NCR1: variants seen among roughly 807,000 people sequenced by gnomAD.
The protein encoded by NCR1 is natural cytotoxicity triggering receptor 1.
A neutral mutation model predicts 32.5 loss-of-function variants in NCR1; 30 were observed. That is an observed-to-expected ratio of 0.92 (90% CI 0.69 to 1.25). NCR1 has a LOEUF of 1.25. NCR1 is among the 50% of genes most tolerant of loss of function. The probability of loss-of-function intolerance (pLI) is 0.00; values close to 1 mark genes in which losing one functional copy is unlikely to be tolerated. For synonymous variants in NCR1, 169 were observed against 143.4 expected, an observed-to-expected ratio of 1.18 and a Z score of -1.28; for missense variants, 369 against 380.7, an observed-to-expected ratio of 0.97 and a Z score of 0.26.
the NCR1 span, among the ~76,000 whole-genome samples, chr19:54,928,673 A>T: frequency 1.3e-5 from 2 of 152,166 alleles, no homozygotes; most frequent in African/African-American, 4.8e-5. Flanking sequence ...GTAGATCATG[A>T]ACCAGCATGC....
chr19:54,937,975 T>TA, the NCR1 span: 3 of 1,271,060 alleles, frequency 2.4e-6, no homozygotes, highest in South Asian at 2.4e-5. Context: ...TTTCCAAATT[T>TA]AAAAAACAAA....
chr19:54,910,274 A>T (rs947674999), intron 5 of NCR1, among the ~76,000 whole-genome samples: 6 of 152,072 alleles, frequency 3.9e-5, no homozygotes, highest in African/African-American at 1.4e-4. Context: ...TGTCTCTACT[A>T]AAAATACAAA....
the NCR1 span, chr19:54,934,410 G>A: frequency 7.6e-6 from 11 of 1,439,286 alleles, no homozygotes; most frequent in South Asian, 5.7e-5. The surrounding 1 kb of genome is among the most constrained non-coding windows in gnomAD (Gnocchi z 6.7). Context: ...CGTGGGTGGC[G>A]CAGTAAGTCA....
chr19:54,935,943 C>T, the NCR1 span, among the ~76,000 whole-genome samples: 4 of 152,072 alleles, frequency 2.6e-5, no homozygotes, highest in South Asian at 2.1e-4. Context: ...AAAACCGGCC[C>T]GCGGTGCAGA....
chr19:54,936,248 C>G, the NCR1 span: 2 of 1,611,602 alleles, frequency 1.2e-6, no homozygotes, highest in Non-Finnish European at 8.5e-7. Flanking sequence ...AGAGCCGTGA[C>G]CGTGAGACCC....
chr19:54,931,288 G>A, the NCR1 span, among the ~76,000 whole-genome samples: 98 of 152,068 alleles, frequency 6.4e-4, 1 homozygote, highest in Admixed American at 5.2e-3. Context: ...GCCGGGCGCG[G>A]TGGCTCAAAC....
At chr19:54,933,566 T>C in the NCR1 span, 1 of 1,614,144 alleles carries the variant, frequency 6.2e-7, no homozygotes, top group South Asian at 1.1e-5. Context: ...AGCAGGGACT[T>C]ACACCAAGGT....
chr19:54,903,518 GTGTGTATACATATA>G (rs2067367168), upstream of NCR1, among the ~76,000 whole-genome samples: 1 of 129,784 alleles, frequency 7.7e-6, no homozygotes, highest in African/African-American at 2.8e-5. Context: ...ACGCATACAT[GTGTGTATACATATA>G]TATGCATGTA....
the NCR1 span, among the ~76,000 whole-genome samples, chr19:54,926,205 G>GGTGTGTGTGT: frequency 0.17 from 24,220 of 143,560 alleles, 2,517 homozygotes; most frequent in Non-Finnish European, 0.24. Flanking sequence ...AATGATTAGG[G>GGTGTGTGTGT]GTGTGTGTGT....
intron 5 of NCR1, among the ~76,000 whole-genome samples, chr19:54,911,045 G>A (rs1296770690): frequency 2.0e-5 from 3 of 151,970 alleles, no homozygotes; most frequent in South Asian, 2.1e-4. Context: ...TGGGGCGCAC[G>A]GCTAGGATTA....
the NCR1 span, among the ~76,000 whole-genome samples, chr19:54,928,191 G>C: frequency 1.3e-5 from 2 of 152,174 alleles, no homozygotes; most frequent in Admixed American, 6.6e-5. Context: ...CTGCACTCCA[G>C]CCTGGGCAAT....
chr19:54,904,936 T>G (rs2067483512), upstream of NCR1, among the ~76,000 whole-genome samples: 1 of 152,216 alleles, frequency 6.6e-6, no homozygotes, highest in African/African-American at 2.4e-5. Flanking sequence ...CAAGGCTGTA[T>G]AGCGTTCTGT....
rs375095816 is a variant in NCR1 at position 54,906,240 on chromosome 19, G to A, written c.34+19G>A. 7.4e-5 allele frequency: 120 copies of A among 1,614,102 alleles called. No individual in the cohort carries two copies. Among genetic ancestry groups the A allele is most frequent in the Non-Finnish European group, 9.4e-5 (111 of 1,180,058 alleles). ...TGCGTCGGTGAGTTCTGGCGTGGAA[G>A]GGGAATGGGATCACGGTGTGCCTGG... On this transcript the variant is annotated intron_variant, in intron 1 of 6. Transcript: ENST00000291890.
the NCR1 span, chr19:54,936,529 T>A: frequency 9.0e-7 from 1 of 1,106,512 alleles, no homozygotes; most frequent in Non-Finnish European, 1.4e-6. Context: ...TAGAAATTAT[T>A]AGAAGTTCTT....
chr19:54,919,725 C>A (rs56340482), downstream of NCR1, among the ~76,000 whole-genome samples: 17,783 of 145,354 alleles, frequency 0.12, 1,905 homozygotes, highest in African/African-American at 0.24. Flanking sequence ...CCCCCCCCCC[C>A]ACCCGCTGCC....
the NCR1 span, chr19:54,923,557 C>T: frequency 4.3e-6 from 3 of 697,330 alleles, no homozygotes; most frequent in Admixed American, 2.2e-5. Flanking sequence ...AAGTACATAG[C>T]GTCATGTGAA....
chr19:54,919,035 T>C (rs932685353), downstream of NCR1, among the ~76,000 whole-genome samples: 3 of 151,446 alleles, frequency 2.0e-5, no homozygotes, highest in African/African-American at 7.3e-5. Flanking sequence ...GTTAGAATAA[T>C]GGCCTCCAGC....
chr19:54,913,866 G>A (rs958652519), downstream of NCR1, among the ~76,000 whole-genome samples: 7 of 152,170 alleles, frequency 4.6e-5, no homozygotes, highest in Admixed American at 1.3e-4. Context: ...TCAGGAGTTC[G>A]AGAGCAGCCT....
At chr19:54,915,106 T>TTCGGCATGCATGTCCATTTTCCTGCC (rs2068107417), downstream of NCR1, among the ~76,000 whole-genome samples, 1 of 152,172 alleles carries the variant, frequency 6.6e-6, no homozygotes, top group African/African-American at 2.4e-5. Flanking sequence ...TGAACCCTGA[T>TTCGGCATGCATGTCCATTTTCCTGCC]TCGGCATGCA....
Sources: gnomAD v4.1 joint callset for allele counts (sites outside exome capture counted in the v4.1 genomes callset) on GRCh38, gnomAD v4.1.1 for gene constraint, Gnocchi (gnomAD v3.1) non-coding constraint, MANE v1.5 for transcripts, NCBI Gene and HGNC (gene_info 2026-07-23, HGNC 2026-07-21) for gene names.